CFTR: variants seen among roughly 807,000 people sequenced by gnomAD.
CFTR encodes the protein cystic fibrosis transmembrane conductance regulator.
A neutral mutation model predicts 171.6 loss-of-function variants in CFTR; 181 were observed. The observed-to-expected ratio is 1.05, with a 90% confidence interval of 0.93 to 1.19. CFTR has a LOEUF of 1.19. Among genes scored for constraint, CFTR ranks in the 50% most tolerant of loss-of-function variants. The pLI is 0.00. For missense variants in CFTR, 1,968 were observed against 1,734.7 expected, an observed-to-expected ratio of 1.13 and a Z score of -2.39; for synonymous variants, 583 against 608.0, an observed-to-expected ratio of 0.96 and a Z score of 0.60.
chr7:117,638,771 A>AAT (rs1229148269), intron 22 of CFTR, among the ~76,000 whole-genome samples: 107 of 150,014 alleles, frequency 7.1e-4, no homozygotes, highest in African/African-American at 2.6e-3. Context: ...ATAAATAATA[A>AAT]AAATAAAAAA....
At chr7:117,535,207 G>A (rs1474071648) in intron 5 of CFTR, 41 bp from the exon 6 acceptor site, 3 of 1,607,002 alleles carry the variant, frequency 1.9e-6, no homozygotes, top group Admixed American at 3.3e-5. Context: ...AGGGGTGGAA[G>A]ATACAATGAC....
chr7:117,589,317 T>G (rs1485763423), intron 12 of CFTR, among the ~76,000 whole-genome samples: 1 of 152,124 alleles, frequency 6.6e-6, no homozygotes, highest in African/African-American at 2.4e-5. Context: ...ATAAAGGTTG[T>G]TTTAGACTTT....
rs1799322633 is a variant in CFTR, at chr7:117,554,702, G to T, written c.1393-4762G>T. On this transcript the variant is annotated intron_variant, in intron 10 of 26. Coordinates refer to ENST00000003084, the MANE Select transcript of CFTR (RefSeq NM_000492.4). ...ACCCAATAAAATAAAAGTCTGAGAA[G>T]ACAAAGCTAGTGAATGAATGTGGTA... Among the ~76,000 whole-genome samples the T allele has an allele frequency of 1.3e-5, 2 of 152,096 alleles. 1 individual carries two copies. Among genetic ancestry groups the T allele is most frequent in the Admixed American group, 1.3e-4 (2 of 15,270 alleles).
intron 23 of CFTR, among the ~76,000 whole-genome samples, chr7:117,643,453 G>GA (rs1463969692): frequency 1.3e-5 from 2 of 151,592 alleles, no homozygotes; most frequent in Non-Finnish European, 2.9e-5. Flanking sequence ...AATCTAGACT[G>GA]AAAAAAAAGC....
At chr7:117,589,298 A>G (rs1791992532) in intron 12 of CFTR, among the ~76,000 whole-genome samples, 1 of 152,036 alleles carries the variant, frequency 6.6e-6, no homozygotes, top group African/African-American at 2.4e-5. Flanking sequence ...TTCAAAAATA[A>G]GTTACACTAT....
At chr7:117,483,717 C>T (rs1798031400) in intron 1 of CFTR, among the ~76,000 whole-genome samples, 1 of 151,842 alleles carries the variant, frequency 6.6e-6, no homozygotes, top group Non-Finnish European at 1.5e-5. Flanking sequence ...CAGGTGTGTA[C>T]CACCATGCCT....
At chr7:117,556,508 A>ATTTT (rs1799358880) in intron 10 of CFTR, among the ~76,000 whole-genome samples, 1 of 100,988 alleles carries the variant, frequency 9.9e-6, no homozygotes, top group African/African-American at 3.8e-5. Flanking sequence ...TATTTGTTTC[A>ATTTT]TTTCTTTTTT....
intron 19 of CFTR, 141 bp downstream of exon 19, chr7:117,610,810 T>C (rs778058833): frequency 4.7e-5 from 38 of 814,902 alleles, no homozygotes; most frequent in Non-Finnish European, 6.9e-5. Context: ...TACATGCATG[T>C]GTATATAAAA....
At chr7:117,635,954 A>G (rs1472490899) in intron 22 of CFTR, among the ~76,000 whole-genome samples, 1 of 152,162 alleles carries the variant, frequency 6.6e-6, no homozygotes, top group Non-Finnish European at 1.5e-5. Flanking sequence ...TTCATTCTCT[A>G]ATACACTTTC....
intron 7 of CFTR, among the ~76,000 whole-genome samples, chr7:117,537,915 G>A (rs1798984626): frequency 6.6e-6 from 1 of 152,086 alleles, no homozygotes; most frequent in Non-Finnish European, 1.5e-5. Flanking sequence ...CACATATATA[G>A]CAAGGGTGAT....
chr7:117,595,203 C>T, intron 15 of CFTR, 145 bp downstream of exon 15: 1 of 618,912 alleles, frequency 1.6e-6, no homozygotes, highest in Non-Finnish European at 2.8e-6. Flanking sequence ...ACACATATAT[C>T]ACTATATGTA....
intron 2 of CFTR, among the ~76,000 whole-genome samples, chr7:117,504,951 CCA>C (rs1239618774): frequency 6.6e-6 from 1 of 151,908 alleles, no homozygotes; most frequent in Non-Finnish European, 1.5e-5. Flanking sequence ...TAAAGTAACA[CCA>C]TTATGAAGTA....
At chr7:117,597,483 T>TA (rs1792150127) in intron 15 of CFTR, among the ~76,000 whole-genome samples, 1 of 152,170 alleles carries the variant, frequency 6.6e-6, no homozygotes, top group Non-Finnish European at 1.5e-5. Flanking sequence ...AAAATACACT[T>TA]ACTATAGCAG....
Position 117,615,224 on chromosome 7 carries a change from A to G in CFTR, c.3468+511A>G, listed in dbSNP as rs187880974. Among the ~76,000 whole-genome samples the G allele has an allele frequency of 1.6e-4, 25 of 152,050 alleles. 1 individual carries two copies. Among genetic ancestry groups the G allele is most frequent in the Admixed American group, 1.6e-3 (24 of 15,252 alleles). On this transcript the variant is annotated intron_variant, in intron 21 of 26. Coordinates refer to ENST00000003084, the MANE Select transcript of CFTR (RefSeq NM_000492.4). Reference sequence around the variant, plus strand: ...AATTTCTTATTCATGTTGATTACTCATTTGTCACCTAGTTTTTTCTTCCTT... The same window carrying G: ...AATTTCTTATTCATGTTGATTACTCGTTTGTCACCTAGTTTTTTCTTCCTT...
At chr7:117,659,155 C>A (rs1793225783) in intron 24 of CFTR, among the ~76,000 whole-genome samples, 1 of 152,158 alleles carries the variant, frequency 6.6e-6, no homozygotes, top group African/African-American at 2.4e-5. Flanking sequence ...GAAACTCCCC[C>A]AGCCCTTCAC....
At chr7:117,491,724 C>G (rs563956872) in intron 1 of CFTR, among the ~76,000 whole-genome samples, 1 of 152,158 alleles carries the variant, frequency 6.6e-6, no homozygotes, top group East Asian at 1.9e-4. Flanking sequence ...TTAGGGTCTA[C>G]TTTAGTGACC....
chr7:117,565,747 T>C (rs1791591471), intron 11 of CFTR, among the ~76,000 whole-genome samples: 2 of 152,178 alleles, frequency 1.3e-5, no homozygotes, highest in African/African-American at 4.8e-5. Flanking sequence ...TTCTAAACTC[T>C]GCTTGGCAGT....
intron 21 of CFTR, among the ~76,000 whole-genome samples, chr7:117,620,111 C>T (rs1179426905): frequency 6.6e-6 from 1 of 151,832 alleles, no homozygotes; most frequent in Non-Finnish European, 1.5e-5. Flanking sequence ...GTTTCTTGAT[C>T]ATGTCTATCC....
At chr7:117,627,305 A>G (rs981692188) in intron 21 of CFTR, among the ~76,000 whole-genome samples, 1 of 152,116 alleles carries the variant, frequency 6.6e-6, no homozygotes, top group African/African-American at 2.4e-5. Flanking sequence ...AAACAGGCCT[A>G]TACAGAGCCC....
Sources: allele counts gnomAD v4.1 joint callset (sites outside exome capture counted in the v4.1 genomes callset), GRCh38; gene constraint gnomAD v4.1.1; transcripts MANE v1.5; gene names NCBI Gene and HGNC (gene_info 2026-07-23, HGNC 2026-07-21).